The following C1orf141 variants were observed in gnomAD, a reference collection of about 807,000 sequenced individuals.
The protein encoded by C1orf141 is uncharacterized protein C1orf141.
C1orf141 carries 19 observed loss-of-function variants against 23.2 expected under a neutral mutation model. The ratio of observed to expected loss-of-function variants is 0.82; its 90% CI spans 0.57 to 1.20. The LOEUF (loss-of-function observed/expected upper bound fraction) is 1.20. C1orf141 is among the 50% of genes most tolerant of loss of function. The pLI is 0.00. For missense variants in C1orf141, 469 were observed against 455.1 expected (o/e 1.03, Z -0.28); for synonymous variants, 153 against 154.6 (o/e 0.99, Z 0.08).
At chr1:67,124,710 G>C (rs1341103983) in intron 4 of C1orf141, among the ~76,000 whole-genome samples, 1 of 152,316 alleles carries the variant, frequency 6.6e-6, no homozygotes, top group Non-Finnish European at 1.5e-5. Context: ...AGGTCACATA[G>C]CTAACAAGTA....
At chr1:67,120,815 G>A (rs1260342818) in intron 4 of C1orf141, among the ~76,000 whole-genome samples, 5 of 152,182 alleles carry the variant, frequency 3.3e-5, no homozygotes, top group South Asian at 2.1e-4. Context: ...AATATAGGGG[G>A]TCAAATGGAT....
chr1:67,125,189 T>A (rs1646381259), intron 4 of C1orf141, among the ~76,000 whole-genome samples: 1 of 152,186 alleles, frequency 6.6e-6, no homozygotes, highest in Admixed American at 6.5e-5. Flanking sequence ...TGGGGCAATA[T>A]AATTGAGCTC....
chr1:67,104,826 C>T (rs1333813742), intron 5 of C1orf141, among the ~76,000 whole-genome samples: 1 of 152,100 alleles, frequency 6.6e-6, no homozygotes, highest in African/African-American at 2.4e-5. Flanking sequence ...CAACACTAGA[C>T]TAGTACAAGT....
At chr1:67,137,599 C>T (rs545241661), upstream of C1orf141, among the ~76,000 whole-genome samples, 1 of 152,292 alleles carries the variant, frequency 6.6e-6, no homozygotes, top group Non-Finnish European at 1.5e-5. Context: ...TGGCCAGTCC[C>T]TACTCTAAGA....
intron 5 of C1orf141, among the ~76,000 whole-genome samples, chr1:67,098,437 G>A (rs1261629055): frequency 6.6e-6 from 1 of 152,104 alleles, no homozygotes; most frequent in Non-Finnish European, 1.5e-5. Context: ...CAGGAGAATC[G>A]CTTGAACCAG....
intron 2 of C1orf141, among the ~76,000 whole-genome samples, chr1:67,129,033 T>C (rs1646471277): frequency 6.6e-6 from 1 of 152,148 alleles, no homozygotes; most frequent in South Asian, 2.1e-4. Context: ...CTTTTTTCCT[T>C]CACCATACAT....
chr1:67,098,885 AT>A (rs1402757394), intron 5 of C1orf141, among the ~76,000 whole-genome samples: 2 of 152,188 alleles, frequency 1.3e-5, no homozygotes, highest in Non-Finnish European at 2.9e-5. Flanking sequence ...ATAAATCTAG[AT>A]TACATGGACA....
intron 4 of C1orf141, 45 bp downstream of exon 4, chr1:67,125,705 AAC>A (rs775515462): frequency 2.5e-6 from 4 of 1,577,500 alleles, no homozygotes; most frequent in Non-Finnish European, 3.5e-6. Flanking sequence ...TTCACAAACA[AAC>A]AAACAAATTC....
chr1:67,134,302 C>G (rs1306765697), intron 1 of C1orf141, among the ~76,000 whole-genome samples: 2 of 140,456 alleles, frequency 1.4e-5, no homozygotes, highest in African/African-American at 5.3e-5. Context: ...ACGCGCCGGC[C>G]TGGAAGGGAA....
At chr1:67,113,858 C>A in intron 5 of C1orf141, 1 of 416,140 alleles carries the variant, frequency 2.4e-6, no homozygotes. Context: ...CCTTAAAAGG[C>A]TAGATTGAAT....
intron 5 of C1orf141, among the ~76,000 whole-genome samples, chr1:67,106,630 C>T (rs924147120): frequency 6.6e-6 from 1 of 152,130 alleles, no homozygotes; most frequent in African/African-American, 2.4e-5. Context: ...TGCACTCCAG[C>T]CTGGGTGACA....
intron 4 of C1orf141, among the ~76,000 whole-genome samples, chr1:67,118,150 G>A (rs985516285): frequency 1.3e-5 from 2 of 152,050 alleles, no homozygotes; most frequent in African/African-American, 2.4e-5. Flanking sequence ...CAATTATTCC[G>A]TTGCCTTAGA....
At chr1:67,127,709 A>G (rs1204330584) in intron 2 of C1orf141, among the ~76,000 whole-genome samples, 3 of 152,124 alleles carry the variant, frequency 2.0e-5, no homozygotes, top group Admixed American at 2.0e-4. Flanking sequence ...ATCTTGGCTC[A>G]CTGCAACCTC....
chr1:67,099,987 T>C (rs1645762141), intron 5 of C1orf141, among the ~76,000 whole-genome samples: 1 of 152,236 alleles, frequency 6.6e-6, no homozygotes, highest in Admixed American at 6.5e-5. Context: ...TTTAGACTTC[T>C]GTCATGTCAG....
intron 7 of C1orf141, chr1:67,094,652 CTGGGGCTATATAATTAGG>C (rs1395090015): frequency 1.3e-5 from 2 of 152,256 alleles, no homozygotes; most frequent in Non-Finnish European, 2.9e-5. Flanking sequence ...GTGGAGCAGT[CTGGGGCTATATAATTAGG>C]TGATTCCTGA....
intron 5 of C1orf141, among the ~76,000 whole-genome samples, chr1:67,104,736 T>C (rs1451517180): frequency 6.6e-6 from 1 of 152,154 alleles, no homozygotes; most frequent in Non-Finnish European, 1.5e-5. Flanking sequence ...AAAGCCAAAG[T>C]CTGGAAAAAT....
At position 67,125,946 on chromosome 1, in the gene C1orf141, A is replaced by T. The variant is rs778502445; in HGVS notation, c.76-37T>A. On this transcript the variant is annotated intron_variant, in intron 3 of 7. Transcript: ENST00000684719. ...CCAAAGTGAAAAAAAAAAAAAAAAA[A>T]AGAGTACTTTTTATATGGGGAAAAT... 4 of 1,493,004 alleles carry T rather than the reference A, an allele frequency of 2.7e-6. No homozygotes were observed. The East Asian group carries it at 7.2e-5, about 27-fold the overall frequency. The allele number at this position is 1,493,004 out of a possible 1,614,324, so 92.5% of individuals were successfully genotyped here.
chr1:67,102,381 T>A (rs1172077888), intron 5 of C1orf141, among the ~76,000 whole-genome samples: 3 of 151,240 alleles, frequency 2.0e-5, no homozygotes, highest in Middle Eastern at 3.2e-3. Flanking sequence ...TGTGGCCATG[T>A]TAAAAGTTGG....
At chr1:67,099,748 C>T (rs10789221) in intron 5 of C1orf141, among the ~76,000 whole-genome samples, 90,410 of 151,988 alleles carry the variant, frequency 0.59, 28,580 homozygotes, top group East Asian at 0.79. Context: ...TGCACTCCAG[C>T]CTGGGCAACA....
Sources: allele counts gnomAD v4.1 joint callset (sites outside exome capture counted in the v4.1 genomes callset), GRCh38; gene constraint gnomAD v4.1.1; transcripts MANE v1.5; gene names NCBI Gene and HGNC (gene_info 2026-07-23, HGNC 2026-07-21).